FRMPD2: variants seen among roughly 807,000 people sequenced by gnomAD.
FRMPD2 encodes FERM and PDZ domain containing 2.
Under a neutral mutation model 140.1 loss-of-function variants are expected in FRMPD2, and 96 were observed. That is an observed-to-expected ratio of 0.69 (90% CI 0.58 to 0.81). The LOEUF (loss-of-function observed/expected upper bound fraction) is 0.81. FRMPD2 is among the 40% of genes least tolerant of loss of function. The pLI, the probability that FRMPD2 is intolerant of heterozygous loss-of-function variation, is 0.00. For synonymous variants in FRMPD2, 449 were observed against 547.6 expected (o/e 0.82, Z 2.52); for missense variants, 1,240 against 1,447.4 (o/e 0.86, Z 2.32).
In FRMPD2 at chr10:48,179,614, C is replaced by T. The variant is rs548056866; in HGVS notation, c.2790+1189G>A. 3.2e-3 allele frequency among the ~76,000 whole-genome samples: 484 copies of T among 151,778 alleles called. 2 individuals are homozygous for T. The highest frequency in any genetic ancestry group is 0.011 in the African/African-American group (457 of 41,092). On this transcript the variant is annotated intron_variant, in intron 21 of 28. Transcript: ENST00000374201. ...TCACATAAAACTTATAGTAAATACACGTGGATGCTTTTCTCTCATTAATCT... is the reference window on the plus strand; with the variant it reads ...TCACATAAAACTTATAGTAAATACATGTGGATGCTTTTCTCTCATTAATCT...
intron 11 of FRMPD2, 138 bp downstream of exon 11, chr10:48,222,985 A>C: frequency 2.5e-6 from 2 of 804,824 alleles, no homozygotes; most frequent in Non-Finnish European, 3.9e-6. Context: ...TCCAATCAAC[A>C]GAAAACCAAC....
chr10:48,253,504 C>G (rs1211715078), intron 1 of FRMPD2, among the ~76,000 whole-genome samples: 1 of 152,158 alleles, frequency 6.6e-6, no homozygotes, highest in Non-Finnish European at 1.5e-5. Flanking sequence ...ACACTTAATG[C>G]ATTTTTTTCT....
chr10:48,191,570 G>T (rs1838830830), intron 16 of FRMPD2, among the ~76,000 whole-genome samples: 1 of 152,078 alleles, frequency 6.6e-6, no homozygotes, highest in Non-Finnish European at 1.5e-5. Flanking sequence ...ACAGAATTGG[G>T]GGCAATAATT....
intron 15 of FRMPD2, among the ~76,000 whole-genome samples, 186 bp downstream of exon 15, chr10:48,201,038 GTTAT>G (rs1839073663): frequency 6.6e-6 from 1 of 152,088 alleles, no homozygotes; most frequent in African/African-American, 2.4e-5. Context: ...TCCTCCCAGT[GTTAT>G]TTATTTTAGT....
chr10:48,210,202 C>G (rs907709556), intron 13 of FRMPD2, among the ~76,000 whole-genome samples: 5 of 152,232 alleles, frequency 3.3e-5, no homozygotes, highest in Admixed American at 2.0e-4. Flanking sequence ...TGACAAAGCC[C>G]TGTCTAGTTT....
chr10:48,207,190 A>G (rs79029699), intron 13 of FRMPD2, among the ~76,000 whole-genome samples: 2,176 of 150,386 alleles, frequency 0.014, 52 homozygotes, highest in African/African-American at 0.049. Context: ...TGGAATACCT[A>G]AAACAGTACT....
At position 48,225,762 on chromosome 10, in the gene FRMPD2, G is replaced by A. The variant is rs541042914; in HGVS notation, c.1169-2492C>T. Among the ~76,000 whole-genome samples, 58 of 152,270 alleles carry A rather than the reference G, an allele frequency of 3.8e-4. No homozygotes were observed. The South Asian group carries it at 0.011, about 29-fold the overall frequency. On this transcript the variant is annotated intron_variant, in intron 10 of 28. Transcript: ENST00000374201. ...CAAGCCTTTTCCCATACCAGCGACC[G>A]CAGAACACGTGCAGTGCCCACTGGA...
chr10:48,176,465 G>A (rs1194871864), intron 22 of FRMPD2: 2 of 153,784 alleles, frequency 1.3e-5, no homozygotes, highest in African/African-American at 4.8e-5. Context: ...TGGCCAAGCT[G>A]GTAGACATAA....
intron 15 of FRMPD2, among the ~76,000 whole-genome samples, chr10:48,193,912 TA>T (rs1236619101): frequency 9.9e-5 from 15 of 151,924 alleles, no homozygotes; most frequent in Admixed American, 6.5e-4. Context: ...GCCAGCCTTT[TA>T]AAAAAAAACT....
chr10:48,235,946 T>G (rs2131934449), intron 9 of FRMPD2, among the ~76,000 whole-genome samples: 1 of 152,258 alleles, frequency 6.6e-6, no homozygotes, highest in Non-Finnish European at 1.5e-5. Flanking sequence ...CTTCACCCAG[T>G]CTTTGTTCAC....
At chr10:48,251,440 A>G in intron 2 of FRMPD2, 126 bp downstream of exon 2, 2 of 1,159,644 alleles carry the variant, frequency 1.7e-6, no homozygotes, top group African/African-American at 3.1e-5. Flanking sequence ...CAGATCAAGC[A>G]GCAGCAACCT....
intron 15 of FRMPD2, among the ~76,000 whole-genome samples, chr10:48,197,682 T>G (rs1347291698): frequency 6.6e-6 from 1 of 152,192 alleles, no homozygotes; most frequent in East Asian, 1.9e-4. Context: ...AACCACTATA[T>G]TATATTGCTC....
chr10:48,192,332 A>T (rs932228742), intron 16 of FRMPD2, among the ~76,000 whole-genome samples: 4 of 152,198 alleles, frequency 2.6e-5, no homozygotes, highest in African/African-American at 7.2e-5. Flanking sequence ...CTGTAATCCT[A>T]GCACTTTGGG....
At chr10:48,206,249 C>T (rs1465172310) in intron 14 of FRMPD2, among the ~76,000 whole-genome samples, 1 of 152,158 alleles carries the variant, frequency 6.6e-6, no homozygotes, top group Non-Finnish European at 1.5e-5. Flanking sequence ...CAAAAATTTG[C>T]AATCCTCAGT....
rs1588861383 is a variant in FRMPD2, at chr10:48,264,156, A to G, written c.25+10387T>C. ...ACTTCTTCGACTTAATCTTTTTAAA[A>G]TATGTAAAAAAAAAAATCTACGGCC... On this transcript the variant is annotated intron_variant, in intron 1 of 28. Coordinates refer to ENST00000374201, the MANE Select transcript of FRMPD2 (RefSeq NM_001018071.4). 2.0e-5 allele frequency among the ~76,000 whole-genome samples: 3 copies of G among 151,910 alleles called. No individual in the cohort carries two copies. In the East Asian group the frequency reaches 5.8e-4, roughly 29 times the overall value.
chr10:48,270,974 C>T (rs560459419), intron 1 of FRMPD2, among the ~76,000 whole-genome samples: 25 of 152,202 alleles, frequency 1.6e-4, no homozygotes, highest in Non-Finnish European at 3.1e-4. Context: ...CCATACCTTG[C>T]CCCTGCCCTG....
chr10:48,223,961 C>T (rs1334739431), intron 10 of FRMPD2, among the ~76,000 whole-genome samples: 1 of 152,212 alleles, frequency 6.6e-6, no homozygotes, highest in Non-Finnish European at 1.5e-5. Flanking sequence ...GACTTTCCAA[C>T]CTCCAGAGCT....
At chr10:48,262,641 A>G (rs1840613774) in intron 1 of FRMPD2, among the ~76,000 whole-genome samples, 1 of 152,200 alleles carries the variant, frequency 6.6e-6, no homozygotes, top group Non-Finnish European at 1.5e-5. Flanking sequence ...AAAGAACTGG[A>G]TCTAGTTGAT....
Position 48,175,233 on chromosome 10 carries a change from C to T in FRMPD2, c.2990-278G>A, listed in dbSNP as rs1838376328. ...GCTCTGTTCAACCTTATCCTTCCTC[C>T]TGTTTTCCTGTGAAACCATTTTTGG... On this transcript the variant is annotated intron_variant, in intron 23 of 28. Coordinates refer to ENST00000374201, the MANE Select transcript of FRMPD2 (RefSeq NM_001018071.4). 3.4e-5 allele frequency: 24 copies of T among 695,964 alleles called. No individual in the cohort carries two copies. In the South Asian group the frequency reaches 4.5e-4, roughly 13 times the overall value. 43.1% of individuals were successfully genotyped at this position (695,964 alleles called of 1,614,324 possible).
Sources: gnomAD v4.1 joint callset for allele counts (sites outside exome capture counted in the v4.1 genomes callset) on GRCh38, gnomAD v4.1.1 for gene constraint, MANE v1.5 for transcripts, NCBI Gene and HGNC (gene_info 2026-07-23, HGNC 2026-07-21) for gene names.